CCDC7: variants seen among roughly 807,000 people sequenced by gnomAD.
The protein encoded by CCDC7 is coiled-coil domain containing 7.
CCDC7 carries 183 observed loss-of-function variants against 196.9 expected under a neutral mutation model. That is an observed-to-expected ratio of 0.93 (90% confidence interval 0.82 to 1.05). CCDC7 has a LOEUF of 1.05. Among genes scored for constraint, CCDC7 ranks in the 50% least tolerant of loss-of-function variants. The pLI is 0.00. For missense variants in CCDC7, 1,540 were observed against 1,482.2 expected, an observed-to-expected ratio of 1.04 and a Z score of -0.64; for synonymous variants, 525 against 484.6, an observed-to-expected ratio of 1.08 and a Z score of -1.10.
chr10:32,649,157 G>A (rs61681583), intron 20 of CCDC7, among the ~76,000 whole-genome samples: 1 of 152,076 alleles, frequency 6.6e-6, no homozygotes, highest in Non-Finnish European at 1.5e-5. Context: ...GGCACCTGTG[G>A]GAGTTGTGGT....
chr10:32,726,825 G>T (rs1381015632), exon 26 of CCDC7: 3 of 1,565,568 alleles, frequency 1.9e-6, no homozygotes, highest in Non-Finnish European at 2.6e-6. Flanking sequence ...GAAGGGAAAG[G>T]CGTAATAGTA....
chr10:32,481,102 G>A (rs548205929), intron 8 of CCDC7, among the ~76,000 whole-genome samples: 1 of 152,146 alleles, frequency 6.6e-6, no homozygotes, highest in Admixed American at 6.5e-5. Context: ...TTTGTCTCTT[G>A]TGACTGTTTT....
At chr10:32,844,006 T>G (rs1196391018) in intron 33 of CCDC7, among the ~76,000 whole-genome samples, 2 of 151,984 alleles carry the variant, frequency 1.3e-5, no homozygotes, top group African/African-American at 2.4e-5. Flanking sequence ...CTCAGACATT[T>G]CTTCAGAGCA....
At chr10:32,839,780 A>G (rs2092852401) in intron 33 of CCDC7, among the ~76,000 whole-genome samples, 1 of 152,076 alleles carries the variant, frequency 6.6e-6, no homozygotes, top group African/African-American at 2.4e-5. Flanking sequence ...TAAATTTAAG[A>G]AAATCGAAAT....
chr10:32,777,411 C>T (rs1041801090), intron 28 of CCDC7, among the ~76,000 whole-genome samples: 7 of 152,090 alleles, frequency 4.6e-5, no homozygotes, highest in South Asian at 2.1e-4. Flanking sequence ...ATGGGATTGC[C>T]GAGTCAAATG....
At chr10:32,814,308 A>G in intron 30 of CCDC7, 62 bp from the exon 32 acceptor site, 1 of 1,156,038 alleles carries the variant, frequency 8.7e-7, no homozygotes, top group Non-Finnish European at 1.3e-6. Context: ...ATGCACTCAC[A>G]CTGTCACATT....
chr10:32,661,793 CAAG>C (rs978151905), intron 20 of CCDC7, among the ~76,000 whole-genome samples: 5 of 152,284 alleles, frequency 3.3e-5, no homozygotes, highest in African/African-American at 9.6e-5. Context: ...CTCTTCTCCT[CAAG>C]AAGAAGGTCT....
At position 32,726,750 on chromosome 10, in the gene CCDC7, T is replaced by A. The variant is rs1323295090; in HGVS notation, c.2586T>A (p.Ser862=). 10 of 1,594,124 alleles carry A rather than the reference T, an allele frequency of 6.3e-6. No homozygotes were observed. The East Asian group carries it at 2.2e-4, about 36-fold the overall frequency. ...ATTTTGTAGTACCAGATAAAAATTC[T>A]ATGTTTGTTCATCAAGATTCAGTGT... is the stretch of plus-strand genomic sequence containing the variant. Residue 862 remains serine (S), a synonymous_variant, in exon 26 of 42, where the codon TCT becomes TCA. Coordinates refer to ENST00000639629, the Ensembl canonical transcript of CCDC7.
At chr10:32,854,164 A>C (rs561492308) in intron 40 of CCDC7, among the ~76,000 whole-genome samples, 1 of 152,290 alleles carries the variant, frequency 6.6e-6, no homozygotes, top group Admixed American at 6.5e-5. Context: ...AATTTGCTTT[A>C]GTCTTTCTTT....
At chr10:32,446,095 G>A (rs1265187235), upstream of CCDC7, 1 of 152,180 alleles carries the variant, frequency 6.6e-6, no homozygotes, top group Non-Finnish European at 1.5e-5. Flanking sequence ...AGCGACGCCG[G>A]CGGCGCCAAG....
At chr10:32,444,096 T>C (rs940573092), upstream of CCDC7, among the ~76,000 whole-genome samples, 3 of 151,890 alleles carry the variant, frequency 2.0e-5, no homozygotes, top group African/African-American at 7.2e-5. Context: ...TTTCTTGCCT[T>C]ATTGCACTTG....
intron 5 of CCDC7, among the ~76,000 whole-genome samples, chr10:32,467,525 C>T (rs745569449): frequency 3.3e-5 from 5 of 152,124 alleles, no homozygotes; most frequent in African/African-American, 4.8e-5. Context: ...TGTTTTCTCC[C>T]AATTTCTAGG....
intron 17 of CCDC7, among the ~76,000 whole-genome samples, chr10:32,583,604 T>C (rs1347751660): frequency 6.6e-6 from 1 of 152,088 alleles, no homozygotes; most frequent in African/African-American, 2.4e-5. Flanking sequence ...GAAATTTTCA[T>C]AGTTTTCAGC....
At chr10:32,577,520 T>C (rs1033969623) in intron 16 of CCDC7, among the ~76,000 whole-genome samples, 2 of 152,256 alleles carry the variant, frequency 1.3e-5, no homozygotes, top group Admixed American at 1.3e-4. Flanking sequence ...TACCCAGTTT[T>C]GAAGCATGTC....
rs184507380 is a variant in CCDC7 at position 32,732,080 on chromosome 10, C to A, written c.2905+2623C>A. On this transcript the variant is annotated intron_variant, in intron 28 of 41. Transcript: ENST00000639629. ...AAAACAAAACAAAACTGATAGGAAA[C>A]TTTGAATGGTCCTTTCTATATATTA... Among the ~76,000 whole-genome samples, 10 of 152,070 alleles carry A rather than the reference C, an allele frequency of 6.6e-5. No homozygotes were observed. The East Asian group carries it at 1.7e-3, about 26-fold the overall frequency.
At position 32,872,032 on chromosome 10, in the gene CCDC7, A is replaced by G. The variant is rs542724222; in HGVS notation, c.4112-4315A>G. ...TGCTTTACTTCCAAATATGTGGTCAATTTTGGAATAGGTGTGGTGTGGTGT... is the reference window on the plus strand; with the variant it reads ...TGCTTTACTTCCAAATATGTGGTCAGTTTTGGAATAGGTGTGGTGTGGTGT... On this transcript the variant is annotated intron_variant, in intron 41 of 41. Coordinates refer to ENST00000639629, the Ensembl canonical transcript of CCDC7. Among the ~76,000 whole-genome samples the G allele has an allele frequency of 1.9e-3, 296 of 152,030 alleles. 1 individual carries two copies. The highest frequency in any genetic ancestry group is 7.8e-4 in the East Asian group (4 of 5,142).
intron 18 of CCDC7, among the ~76,000 whole-genome samples, chr10:32,633,171 T>C (rs2065107470): frequency 6.6e-6 from 1 of 151,838 alleles, no homozygotes; most frequent in Non-Finnish European, 1.5e-5. Context: ...GGCTCCTCAG[T>C]TTGCACATAC....
intron 9 of CCDC7, chr10:32,511,242 A>G (rs985908669): frequency 2.3e-5 from 17 of 726,112 alleles, no homozygotes; most frequent in Admixed American, 2.3e-4. Flanking sequence ...GTCCTGCCAC[A>G]GAATTATTCT....
At chr10:32,552,388 A>T (rs2053616334) in intron 13 of CCDC7, among the ~76,000 whole-genome samples, 1 of 152,114 alleles carries the variant, frequency 6.6e-6, no homozygotes, top group African/African-American at 2.4e-5. Flanking sequence ...ATTTAAGTCC[A>T]ATGTTAGTAA....
Sources: gnomAD v4.1 joint callset for allele counts (sites outside exome capture counted in the v4.1 genomes callset) on GRCh38, gnomAD v4.1.1 for gene constraint, MANE v1.5 for transcripts, NCBI Gene and HGNC (gene_info 2026-07-23, HGNC 2026-07-21) for gene names.